The following MSRA variants were observed in gnomAD, a reference collection of about 807,000 sequenced individuals.
MSRA encodes methionine sulfoxide reductase A.
MSRA carries 54 observed loss-of-function variants against 31.3 expected under a neutral mutation model. The observed-to-expected ratio is 1.73, with a 90% CI of 1.39 to 2.17. The LOEUF (loss-of-function observed/expected upper bound fraction) is 2.17, where lower values mean the gene tolerates loss of function less well. MSRA is among the 30% of genes most tolerant of loss of function. The pLI is 0.00. For missense variants in MSRA, 507 were observed against 300.9 expected (o/e 1.69, Z -5.07); for synonymous variants, 169 against 116.5 (o/e 1.45, Z -2.90).
intron 1 of MSRA, among the ~76,000 whole-genome samples, chr8:10,068,072 T>C (rs1797552773): frequency 6.6e-6 from 1 of 151,844 alleles, no homozygotes; most frequent in South Asian, 2.1e-4. Flanking sequence ...TTAGTAGACA[T>C]GGGGTTTCGC....
intron 2 of MSRA, among the ~76,000 whole-genome samples, chr8:10,220,969 C>G (rs546590518): frequency 3.9e-5 from 6 of 152,204 alleles, no homozygotes; most frequent in African/African-American, 1.4e-4. Context: ...AACCCTTTCC[C>G]GTTCCTTGCT....
chr8:10,256,862 G>C (rs1798210599), intron 3 of MSRA, among the ~76,000 whole-genome samples: 1 of 152,126 alleles, frequency 6.6e-6, no homozygotes, highest in Non-Finnish European at 1.5e-5. Flanking sequence ...AGGACCTTGG[G>C]CTTCATCTCC....
At chr8:10,123,178 A>C (rs182585976) in intron 1 of MSRA, among the ~76,000 whole-genome samples, 1 of 152,140 alleles carries the variant, frequency 6.6e-6, no homozygotes, top group African/African-American at 2.4e-5. Flanking sequence ...TCACAATCTC[A>C]CCAGCATCTG....
intron 1 of MSRA, among the ~76,000 whole-genome samples, chr8:10,067,459 TG>T (rs1563392047): frequency 6.6e-6 from 1 of 152,248 alleles, no homozygotes; most frequent in African/African-American, 2.4e-5. Context: ...GATCTATAAT[TG>T]TTTTGGCAGT....
At chr8:10,093,189 T>C (rs1207496252) in intron 1 of MSRA, among the ~76,000 whole-genome samples, 2 of 152,194 alleles carry the variant, frequency 1.3e-5, no homozygotes, top group Non-Finnish European at 2.9e-5. Flanking sequence ...TTAAGTTTAA[T>C]GCAATTACTG....
At position 10,293,234 on chromosome 8, in the gene MSRA, C is replaced by G. The variant is rs537672261; in HGVS notation, c.332-8300C>G. Among the ~76,000 whole-genome samples the G allele has an allele frequency of 2.0e-5, 3 of 152,252 alleles. No individual in the cohort carries two copies. The East Asian group carries it at 5.8e-4, about 29-fold the overall frequency. ...CTATAGGATTGCATCAGGGGTGCGC[C>G]ATCCCTATGATGGGCCAGCTAAGCA... is the stretch of plus-strand genomic sequence containing the variant. On this transcript the variant is annotated intron_variant, in intron 3 of 5. Transcript: ENST00000317173.
chr8:10,079,625 C>T (rs1798181102), intron 1 of MSRA, among the ~76,000 whole-genome samples: 1 of 152,182 alleles, frequency 6.6e-6, no homozygotes, highest in Admixed American at 6.5e-5. Flanking sequence ...TCCTTCCCCG[C>T]AGTGTCCCTC....
intron 3 of MSRA, among the ~76,000 whole-genome samples, chr8:10,262,142 G>T (rs984183014): frequency 6.6e-5 from 10 of 152,156 alleles, no homozygotes; most frequent in Admixed American, 4.6e-4. Context: ...AATAATTGCA[G>T]TTGCTTCCAG....
chr8:10,129,120 A>G (rs888981380), intron 1 of MSRA, among the ~76,000 whole-genome samples: 2 of 152,198 alleles, frequency 1.3e-5, no homozygotes. Context: ...CATCATCCAG[A>G]ATATCTTATG....
intron 1 of MSRA, among the ~76,000 whole-genome samples, chr8:10,087,756 A>G (rs1300227718): frequency 1.3e-5 from 2 of 152,196 alleles, no homozygotes; most frequent in Non-Finnish European, 2.9e-5. Flanking sequence ...AGGTTATTTC[A>G]TTAGGGAGTG....
chr8:10,406,788 C>G (rs1321338543), intron 5 of MSRA, among the ~76,000 whole-genome samples: 1 of 152,214 alleles, frequency 6.6e-6, no homozygotes, highest in Non-Finnish European at 1.5e-5. Context: ...GTTTGGCCCA[C>G]TTTCTAGGCC....
chr8:10,372,550 C>T (rs1442247662), intron 5 of MSRA, among the ~76,000 whole-genome samples: 1 of 152,158 alleles, frequency 6.6e-6, no homozygotes, highest in Admixed American at 6.5e-5. Flanking sequence ...CCACTGTGTT[C>T]CTAGCAACGG....
At chr8:10,236,367 G>T (rs770850124) in intron 2 of MSRA, among the ~76,000 whole-genome samples, 25 of 152,194 alleles carry the variant, frequency 1.6e-4, no homozygotes, top group Non-Finnish European at 3.7e-4. Flanking sequence ...AGAAGGTGGA[G>T]TCAAACCATT....
chr8:10,402,481 C>T (rs1014644672), intron 5 of MSRA, among the ~76,000 whole-genome samples: 2 of 152,240 alleles, frequency 1.3e-5, no homozygotes, highest in Non-Finnish European at 2.9e-5. Context: ...AGCCCTGAGG[C>T]TGCATTTTGT....
intron 1 of MSRA, among the ~76,000 whole-genome samples, chr8:10,196,062 T>C (rs1418111585): frequency 6.6e-6 from 1 of 151,940 alleles, no homozygotes; most frequent in East Asian, 1.9e-4. Flanking sequence ...GGGTGCGGGG[T>C]GGGGGAGCCA....
intron 3 of MSRA, among the ~76,000 whole-genome samples, chr8:10,261,539 CT>C (rs547773582): frequency 6.6e-6 from 1 of 151,508 alleles, no homozygotes; most frequent in African/African-American, 2.4e-5. Flanking sequence ...TCTACAAAAC[CT>C]TTTTTTTAAG....
intron 1 of MSRA, among the ~76,000 whole-genome samples, chr8:10,161,928 G>C (rs1804692002): frequency 6.6e-6 from 1 of 152,174 alleles, no homozygotes. Context: ...TTGCCCACTT[G>C]TTACAGGGTG....
At chr8:10,096,466 G>T (rs1218877679) in intron 1 of MSRA, 2 of 217,690 alleles carry the variant, frequency 9.2e-6, no homozygotes, top group African/African-American at 4.7e-5. Flanking sequence ...TTATGATGTT[G>T]GCAGAAATGG....
At chr8:10,106,965 A>G (rs769126480) in intron 1 of MSRA, among the ~76,000 whole-genome samples, 1 of 150,798 alleles carries the variant, frequency 6.6e-6, no homozygotes. Flanking sequence ...GCAACCATCT[A>G]CCCCATCCGT....
Sources: allele counts gnomAD v4.1 joint callset (sites outside exome capture counted in the v4.1 genomes callset), GRCh38; gene constraint gnomAD v4.1.1; transcripts MANE v1.5; gene names NCBI Gene and HGNC (gene_info 2026-07-23, HGNC 2026-07-21).